The following ZFHX3 variants were observed in gnomAD, a reference collection of about 807,000 sequenced individuals.
The protein encoded by ZFHX3 is zinc finger homeobox protein 3.
In ZFHX3, 42 loss-of-function variants were observed where a neutral mutation model predicts 279.1. The ratio of observed to expected loss-of-function variants is 0.15; its 90% CI spans 0.12 to 0.19. The LOEUF is 0.19. Ranked by LOEUF, ZFHX3 falls within the 10% of genes least tolerant of loss-of-function variation. The probability of loss-of-function intolerance (pLI) is 1.00; values close to 1 mark genes in which losing one functional copy is unlikely to be tolerated. For missense variants in ZFHX3, 4,981 were observed against 4,754.0 expected (o/e 1.05, Z -1.40); for synonymous variants, 2,293 against 1,957.8 (o/e 1.17, Z -4.52).
intron 4 of ZFHX3, among the ~76,000 whole-genome samples, chr16:73,291,101 C>A (rs2014757396): frequency 6.6e-6 from 1 of 152,204 alleles, no homozygotes; most frequent in Non-Finnish European, 1.5e-5. Context: ...CCCCACAGCA[C>A]AGAAGTGCAG....
At chr16:73,413,620 A>G (rs2017513292) in intron 3 of ZFHX3, among the ~76,000 whole-genome samples, 1 of 152,152 alleles carries the variant, frequency 6.6e-6, no homozygotes, top group Admixed American at 6.5e-5. Context: ...TTTTGGGGAA[A>G]TCTCAAGAAC....
intron 4 of ZFHX3, among the ~76,000 whole-genome samples, chr16:73,312,206 G>T (rs1324095398): frequency 1.3e-5 from 2 of 152,080 alleles, no homozygotes; most frequent in African/African-American, 4.8e-5. Flanking sequence ...GATGAAGGAG[G>T]TTGGGATGTT....
At chr16:73,514,919 C>T (rs825825) in intron 2 of ZFHX3, among the ~76,000 whole-genome samples, 94,202 of 151,808 alleles carry the variant, frequency 0.62, 30,032 homozygotes, top group East Asian at 0.99. Flanking sequence ...CCTCTCTCTC[C>T]CCCACATATG....
intron 3 of ZFHX3, among the ~76,000 whole-genome samples, chr16:73,334,807 ATTCTTTTTT>A (rs2143238583): frequency 3.5e-5 from 1 of 28,506 alleles, no homozygotes; most frequent in African/African-American, 1.4e-4. Context: ...TTTCTTTCTC[ATTCTTTTTT>A]TTTTTTTTTT....
chr16:73,725,178 T>A (rs1023894953), intron 1 of ZFHX3, among the ~76,000 whole-genome samples: 14 of 152,242 alleles, frequency 9.2e-5, no homozygotes, highest in African/African-American at 2.9e-4. Flanking sequence ...TAGGGTCTAA[T>A]AAAGGTTTAT....
intron 2 of ZFHX3, among the ~76,000 whole-genome samples, chr16:73,481,880 C>A (rs970799458): frequency 6.6e-6 from 1 of 152,062 alleles, no homozygotes; most frequent in Non-Finnish European, 1.5e-5. Flanking sequence ...CAGAAATGCA[C>A]GGTCATGGGT....
chr16:73,055,257 T>C (rs556242091), intron 1 of ZFHX3, among the ~76,000 whole-genome samples: 3 of 152,134 alleles, frequency 2.0e-5, no homozygotes, highest in African/African-American at 4.8e-5. Flanking sequence ...AGGGTTTTTT[T>C]CTCCCCCTCC....
intron 1 of ZFHX3, among the ~76,000 whole-genome samples, chr16:72,990,964 A>G (rs1405798067): frequency 6.6e-6 from 1 of 151,884 alleles, no homozygotes; most frequent in African/African-American, 2.4e-5. Context: ...TGGGTGACAG[A>G]GTGAGACCCT....
chr16:73,552,353 T>A (rs1438372509), intron 2 of ZFHX3, among the ~76,000 whole-genome samples: 3 of 152,162 alleles, frequency 2.0e-5, no homozygotes, highest in Non-Finnish European at 4.4e-5. Flanking sequence ...TTTTGGCACC[T>A]AAAAAGTATA....
chr16:73,296,948 G>A (rs1488138046), intron 4 of ZFHX3, among the ~76,000 whole-genome samples: 2 of 145,172 alleles, frequency 1.4e-5, no homozygotes, highest in Non-Finnish European at 1.5e-5. Flanking sequence ...GCGCTATCTC[G>A]GCTCACTGCA....
intron 2 of ZFHX3, among the ~76,000 whole-genome samples, chr16:73,648,936 T>C (rs1014283149): frequency 1.3e-5 from 2 of 152,238 alleles, no homozygotes; most frequent in Non-Finnish European, 2.9e-5. Flanking sequence ...TAAAGACTAA[T>C]TTTCTAGGGC....
chr16:73,854,603 T>C (rs538504866), intron 1 of ZFHX3, among the ~76,000 whole-genome samples: 23 of 151,976 alleles, frequency 1.5e-4, no homozygotes, highest in African/African-American at 5.3e-4. Flanking sequence ...AATTAGACTA[T>C]GAATTGACTT....
chr16:73,028,960 C>T (rs1964604343), intron 1 of ZFHX3, among the ~76,000 whole-genome samples: 1 of 152,214 alleles, frequency 6.6e-6, no homozygotes, highest in Admixed American at 6.5e-5. Flanking sequence ...TCCTACAATA[C>T]AATGCAATCC....
intron 3 of ZFHX3, among the ~76,000 whole-genome samples, chr16:72,943,721 C>A (rs1960527137): frequency 6.6e-6 from 1 of 152,092 alleles, no homozygotes; most frequent in Non-Finnish European, 1.5e-5. Flanking sequence ...ATGACATGGC[C>A]ACCTGCTTTC....
chr16:73,702,482 T>C (rs1345045934), intron 1 of ZFHX3, among the ~76,000 whole-genome samples: 4 of 152,150 alleles, frequency 2.6e-5, no homozygotes, highest in Non-Finnish European at 5.9e-5. Flanking sequence ...CCTGTAGGTT[T>C]GTGGAACCTT....
chr16:72,825,330 G>A (rs2036905199), intron 5 of ZFHX3, among the ~76,000 whole-genome samples: 5 of 152,174 alleles, frequency 3.3e-5, no homozygotes, highest in Admixed American at 3.3e-4. Context: ...ACAATGTCAG[G>A]AGACTGCTAC....
intron 1 of ZFHX3, among the ~76,000 whole-genome samples, chr16:73,028,938 G>C (rs749086998): frequency 9.9e-5 from 15 of 152,220 alleles, no homozygotes; most frequent in Non-Finnish European, 2.2e-4. Flanking sequence ...GTGTGAACAA[G>C]ATTTCAACAC....
At chr16:73,527,981 G>T (rs1200803402) in intron 2 of ZFHX3, among the ~76,000 whole-genome samples, 2 of 152,166 alleles carry the variant, frequency 1.3e-5, no homozygotes, top group Non-Finnish European at 2.9e-5. Context: ...GCTAAATCTT[G>T]GAGTAATTTG....
intron 3 of ZFHX3, among the ~76,000 whole-genome samples, chr16:73,425,620 A>G (rs1800328333): frequency 6.6e-6 from 1 of 152,006 alleles, no homozygotes; most frequent in Non-Finnish European, 1.5e-5. Flanking sequence ...GCATTGCAGG[A>G]AGACTCAAGG....
Sources: allele counts gnomAD v4.1 joint callset (sites outside exome capture counted in the v4.1 genomes callset), GRCh38; gene constraint gnomAD v4.1.1; transcripts MANE v1.5; gene names NCBI Gene and HGNC (gene_info 2026-07-23, HGNC 2026-07-21).